PRKCB: variants seen among roughly 807,000 people sequenced by gnomAD.
PRKCB encodes the protein protein kinase C beta type.
Under a neutral mutation model 81.5 loss-of-function variants are expected in PRKCB, and 13 were observed. That is an observed-to-expected ratio of 0.16 (90% CI 0.10 to 0.25). PRKCB has a LOEUF of 0.25. Ranked by LOEUF, PRKCB falls within the 10% of genes least tolerant of loss-of-function variation. The pLI is 1.00. For synonymous variants in PRKCB, 335 were observed against 321.4 expected (o/e 1.04, Z -0.45); for missense variants, 509 against 875.7 (o/e 0.58, Z 5.29).
chr16:24,045,454 A>G (rs1167622053), intron 5 of PRKCB, among the ~76,000 whole-genome samples: 2 of 151,834 alleles, frequency 1.3e-5, no homozygotes, highest in Admixed American at 6.6e-5. Flanking sequence ...TCTGGGAACC[A>G]CCTCCTCTTC....
intron 3 of PRKCB, among the ~76,000 whole-genome samples, chr16:24,024,630 T>A (rs1292600633): frequency 6.6e-6 from 1 of 152,202 alleles, no homozygotes; most frequent in Admixed American, 6.5e-5. Context: ...AATATAAAAT[T>A]AGCAGCCTCA....
intron 5 of PRKCB, among the ~76,000 whole-genome samples, chr16:24,088,009 C>T (rs1220654808): frequency 1.3e-5 from 2 of 152,140 alleles, no homozygotes; most frequent in Non-Finnish European, 2.9e-5. Flanking sequence ...GCATTTGGTA[C>T]CATCTGGGCT....
chr16:24,016,831 A>C (rs1965286053), intron 3 of PRKCB, among the ~76,000 whole-genome samples: 1 of 152,200 alleles, frequency 6.6e-6, no homozygotes, highest in African/African-American at 2.4e-5. Context: ...CCAGCTCTGC[A>C]CAATTCCTTA....
intron 10 of PRKCB, among the ~76,000 whole-genome samples, chr16:24,162,441 ACTT>A (rs1306488501): frequency 1.3e-4 from 16 of 119,802 alleles, no homozygotes; most frequent in African/African-American, 2.7e-4. Context: ...AACAGAGAAG[ACTT>A]TTTTTTTTTT....
chr16:23,956,801 A>G (rs1053134930), intron 2 of PRKCB, among the ~76,000 whole-genome samples: 1 of 152,112 alleles, frequency 6.6e-6, no homozygotes, highest in African/African-American at 2.4e-5. Context: ...GAGGACTGAA[A>G]GGTCTTGGGA....
At chr16:23,965,602 T>G (rs1228636979) in intron 2 of PRKCB, among the ~76,000 whole-genome samples, 1 of 152,222 alleles carries the variant, frequency 6.6e-6, no homozygotes, top group Non-Finnish European at 1.5e-5. Flanking sequence ...TCGGCCGCAT[T>G]GTAGAGATGA....
chr16:23,873,113 A>G (rs1790417195), intron 2 of PRKCB, among the ~76,000 whole-genome samples: 1 of 150,124 alleles, frequency 6.7e-6, no homozygotes, highest in Admixed American at 6.7e-5. Flanking sequence ...GGATCAACTG[A>G]GGTCAGGAGT....
At chr16:24,115,287 C>T (rs62027385) in intron 8 of PRKCB, among the ~76,000 whole-genome samples, 1 of 140,362 alleles carries the variant, frequency 7.1e-6, no homozygotes, top group African/African-American at 2.5e-5. Context: ...ATCCCAAGAG[C>T]ATTTATCCAA....
At chr16:23,913,013 C>A (rs1273066522) in intron 2 of PRKCB, among the ~76,000 whole-genome samples, 4 of 151,970 alleles carry the variant, frequency 2.6e-5, no homozygotes, top group African/African-American at 9.7e-5. Flanking sequence ...TTTATAGAGA[C>A]TGGTCTTGAA....
intron 5 of PRKCB, among the ~76,000 whole-genome samples, chr16:24,061,092 G>T (rs1387942094): frequency 6.6e-6 from 1 of 151,352 alleles, no homozygotes; most frequent in Non-Finnish European, 1.5e-5. Context: ...ACAGGGTCTT[G>T]CTCTGTTGCT....
At chr16:23,869,485 G>A (rs575421044) in intron 2 of PRKCB, among the ~76,000 whole-genome samples, 15 of 152,150 alleles carry the variant, frequency 9.9e-5, no homozygotes, top group Admixed American at 2.0e-4. Context: ...GAGCCAGGTC[G>A]AACTCCCAAT....
chr16:23,839,317 C>T (rs1368444363), intron 2 of PRKCB, among the ~76,000 whole-genome samples: 16 of 139,518 alleles, frequency 1.1e-4, no homozygotes, highest in African/African-American at 3.6e-4. Context: ...TCTTTTGCCC[C>T]GGCTGGAGTA....
intron 9 of PRKCB, among the ~76,000 whole-genome samples, chr16:24,152,548 T>G (rs897280491): frequency 4.6e-5 from 7 of 152,174 alleles, no homozygotes; most frequent in Non-Finnish European, 1.0e-4. Flanking sequence ...TCACTTGTCT[T>G]CCAGCTAAGT....
chr16:24,155,967 T>C (rs554433370), intron 10 of PRKCB, among the ~76,000 whole-genome samples: 130 of 152,320 alleles, frequency 8.5e-4, no homozygotes, highest in African/African-American at 3.1e-3. Context: ...GATGGTGACC[T>C]GTTCTTTCAT....
intron 5 of PRKCB, among the ~76,000 whole-genome samples, chr16:24,048,837 A>G (rs1339185455): frequency 6.6e-6 from 1 of 152,022 alleles, no homozygotes; most frequent in Non-Finnish European, 1.5e-5. Context: ...GGAACTCTAC[A>G]AGCGTTCCTT....
chr16:23,923,360 A>G (rs892908443), intron 2 of PRKCB, among the ~76,000 whole-genome samples: 1 of 151,932 alleles, frequency 6.6e-6, no homozygotes, highest in Non-Finnish European at 1.5e-5. Context: ...AGCTCTACTC[A>G]CATTTCCTCT....
chr16:24,129,374 C>G (rs1966849703), intron 9 of PRKCB, among the ~76,000 whole-genome samples: 1 of 151,956 alleles, frequency 6.6e-6, no homozygotes, highest in Non-Finnish European at 1.5e-5. Context: ...CATAAAGAAG[C>G]TGAAAGAAGC....
In PRKCB at chr16:23,990,065, A is replaced by G. The variant is rs143326633; in HGVS notation, c.288+1475A>G. ...ATTGCCGACATCCTGAGCATGGCAG[A>G]GTGGAAAACTTAAAAGAACCGTGGG... is the stretch of plus-strand genomic sequence containing the variant. On this transcript the variant is annotated intron_variant, in intron 3 of 16. Coordinates refer to ENST00000643927, the MANE Select transcript of PRKCB (RefSeq NM_002738.7). 3.4e-3 allele frequency among the ~76,000 whole-genome samples: 516 copies of G among 152,264 alleles called. 9 individuals carry two copies. Among genetic ancestry groups the G allele is most frequent in the Non-Finnish European group, 4.2e-3 (287 of 68,012 alleles).
intron 13 of PRKCB, among the ~76,000 whole-genome samples, chr16:24,184,044 T>C (rs532038470): frequency 1.3e-5 from 2 of 152,344 alleles, no homozygotes; most frequent in South Asian, 4.1e-4. Context: ...TGTTACAGCA[T>C]TGGAAGAAAC....
Sources: allele counts gnomAD v4.1 joint callset (sites outside exome capture counted in the v4.1 genomes callset), GRCh38; gene constraint gnomAD v4.1.1; transcripts MANE v1.5; gene names NCBI Gene and HGNC (gene_info 2026-07-23, HGNC 2026-07-21).